SFXN4: variants seen among roughly 807,000 people sequenced by gnomAD.
The protein encoded by SFXN4 is sideroflexin-4.
SFXN4 carries 48 observed loss-of-function variants against 54.6 expected under a neutral mutation model. The observed-to-expected ratio is 0.88, with a 90% CI of 0.70 to 1.12. The LOEUF (loss-of-function observed/expected upper bound fraction) is 1.12. SFXN4 is among the 50% of genes most tolerant of loss of function. SFXN4 has a pLI of 0.00. For synonymous variants in SFXN4, 130 were observed against 145.5 expected (o/e 0.89, Z 0.77); for missense variants, 383 against 409.2 (o/e 0.94, Z 0.55).
chr10:119,149,408 C>T (rs1182865211), intron 11 of SFXN4, among the ~76,000 whole-genome samples: 3 of 152,114 alleles, frequency 2.0e-5, no homozygotes, highest in Non-Finnish European at 4.4e-5. Flanking sequence ...CAGGGAATGC[C>T]TTTCCCCCCC....
In SFXN4 at chr10:119,157,931, C is replaced by T. The variant is rs1162334583; in HGVS notation, c.415-4G>A. 1 of 1,614,154 alleles carries T rather than the reference C, an allele frequency of 6.2e-7. No homozygotes were observed. The highest frequency in any genetic ancestry group is 1.3e-5 in the African/African-American group (1 of 75,042). On this transcript the variant is annotated splice_polypyrimidine_tract_variant and splice_region_variant and intron_variant, in intron 7 of 13. Coordinates refer to ENST00000355697, the MANE Select transcript of SFXN4 (RefSeq NM_213649.2). ...CCATGTAGGCACAGAGGAAAACCTGCCGAGAGGGGCAAATGGATCGCATTT... is the reference window on the plus strand; with the variant it reads ...CCATGTAGGCACAGAGGAAAACCTGTCGAGAGGGGCAAATGGATCGCATTT...
intron 3 of SFXN4, 129 bp downstream of exon 3, chr10:119,162,211 C>G: frequency 1.4e-6 from 1 of 724,620 alleles, no homozygotes; most frequent in Middle Eastern, 2.9e-4. Context: ...AACAGTGGCT[C>G]CCAAGGGAAG....
At chr10:119,150,717 C>T (rs758918165) in intron 11 of SFXN4, among the ~76,000 whole-genome samples, 6 of 152,102 alleles carry the variant, frequency 3.9e-5, no homozygotes, top group Admixed American at 1.3e-4. Flanking sequence ...AATGTGCTCT[C>T]ACTCTCCTCT....
intron 12 of SFXN4, among the ~76,000 whole-genome samples, chr10:119,147,157 C>T (rs1417444967): frequency 5.3e-5 from 8 of 152,180 alleles, no homozygotes; most frequent in Non-Finnish European, 1.2e-4. Context: ...TCGACACCCA[C>T]GAGAATGACA....
chr10:119,161,975 C>G (rs1453897694), intron 3 of SFXN4, among the ~76,000 whole-genome samples: 1 of 152,214 alleles, frequency 6.6e-6, no homozygotes, highest in Non-Finnish European at 1.5e-5. Flanking sequence ...ACGCTGCCTG[C>G]AGTGGAGAAT....
intron 13 of SFXN4, among the ~76,000 whole-genome samples, chr10:119,145,300 T>A (rs1036493795): frequency 0.01 from 71 of 6,798 alleles, 1 homozygote; most frequent in African/African-American, 0.012. Flanking sequence ...GTAAATATAT[T>A]TTTTCTTATG....
chr10:119,143,774 A>G (rs1264093007), intron 13 of SFXN4, among the ~76,000 whole-genome samples: 1 of 152,048 alleles, frequency 6.6e-6, no homozygotes, highest in East Asian at 1.9e-4. Flanking sequence ...ACAGCACCCG[A>G]CCTAATTTTT....
chr10:119,156,838 G>T, intron 9 of SFXN4, 82 bp from the exon 10 acceptor site: 1 of 1,009,274 alleles, frequency 9.9e-7, no homozygotes, highest in Non-Finnish European at 1.5e-6. Context: ...AGGTCGCCCT[G>T]ACCTAGTTCC....
At chr10:119,161,567 G>A (rs1466001685) in intron 3 of SFXN4, among the ~76,000 whole-genome samples, 1 of 151,800 alleles carries the variant, frequency 6.6e-6, no homozygotes, top group Non-Finnish European at 1.5e-5. Context: ...CACATTGACA[G>A]AACAAATCAA....
chr10:119,145,599 T>G (rs1218827740), intron 13 of SFXN4, among the ~76,000 whole-genome samples: 1 of 152,124 alleles, frequency 6.6e-6, no homozygotes, highest in African/African-American at 2.4e-5. Flanking sequence ...CCACCGCGCC[T>G]GGCCTGATTT....
At chr10:119,153,764 G>C (rs1225925450) in intron 11 of SFXN4, among the ~76,000 whole-genome samples, 2 of 152,204 alleles carry the variant, frequency 1.3e-5, no homozygotes, top group Non-Finnish European at 2.9e-5. Flanking sequence ...GTCTGTGGCA[G>C]TCAGCCTCAC....
At chr10:119,164,531 G>C (rs953415575) in intron 1 of SFXN4, among the ~76,000 whole-genome samples, 1 of 152,054 alleles carries the variant, frequency 6.6e-6, no homozygotes, top group African/African-American at 2.4e-5. Context: ...TCTCACATAC[G>C]ACCTCGAAGC....
At position 119,162,270 on chromosome 10, in the gene SFXN4, A is replaced by G. The variant is rs1847582231; in HGVS notation, c.252+70T>C. The G allele has an allele frequency of 4.0e-6, 5 of 1,255,012 alleles. No individual in the cohort carries two copies. The South Asian group carries it at 6.3e-5, about 16-fold the overall frequency. The allele number at this position is 1,255,012 out of a possible 1,614,324, so 77.7% of individuals were successfully genotyped here. On this transcript the variant is annotated intron_variant, in intron 3 of 13. Coordinates refer to ENST00000355697, the MANE Select transcript of SFXN4 (RefSeq NM_213649.2). ...AGACAGAGATTAATGGCCAAATTCC[A>G]CCTGACTTCAGACCATGCAGGCAGA...
At chr10:119,162,762 T>C (rs1368358083) in intron 2 of SFXN4, among the ~76,000 whole-genome samples, 1 of 145,894 alleles carries the variant, frequency 6.9e-6, no homozygotes, top group African/African-American at 2.4e-5. Context: ...GTCTTATCAG[T>C]TCAGTCTTAT....
chr10:119,158,519 G>A (rs1447407395), intron 6 of SFXN4, among the ~76,000 whole-genome samples: 1 of 150,640 alleles, frequency 6.6e-6, no homozygotes, highest in Non-Finnish European at 1.5e-5. Flanking sequence ...GGGAGGCTGA[G>A]GCAGAAGAAT....
Position 119,149,416 on chromosome 10 carries a change from C to G in SFXN4, c.733-1556G>C, listed in dbSNP as rs372147145. Reference sequence around the variant, plus strand: ...CCCTCTGCAGGGAATGCCTTTCCCCCCCACAAAAGAGAGGAAGCCGAGGAG... The same window carrying G: ...CCCTCTGCAGGGAATGCCTTTCCCCGCCACAAAAGAGAGGAAGCCGAGGAG... On this transcript the variant is annotated intron_variant, in intron 11 of 13. Coordinates refer to ENST00000355697, the MANE Select transcript of SFXN4 (RefSeq NM_213649.2). 1.4e-3 allele frequency among the ~76,000 whole-genome samples: 212 copies of G among 152,250 alleles called. 2 individuals carry two copies. The highest frequency in any genetic ancestry group is 1.6e-3 in the Non-Finnish European group (106 of 68,014).
At position 119,150,393 on chromosome 10, in the gene SFXN4, T is replaced by A. The variant is rs375032223; in HGVS notation, c.733-2533A>T. Among the ~76,000 whole-genome samples, 14 of 152,184 alleles carry A rather than the reference T, an allele frequency of 9.2e-5. No individual in the cohort carries two copies. In the East Asian group the frequency reaches 1.9e-3, roughly 21 times the overall value. On this transcript the variant is annotated intron_variant, in intron 11 of 13. Coordinates refer to ENST00000355697, the MANE Select transcript of SFXN4 (RefSeq NM_213649.2). ...GGGAACAACTTGCTCATTGGATATT[T>A]GCTCTAAGCTGGGTGCAGTGCCTCA... is the stretch of plus-strand genomic sequence containing the variant.
At position 119,141,189 on chromosome 10, in the gene SFXN4, G is replaced by T; in HGVS notation, c.*53C>A. On this transcript the variant is annotated 3_prime_UTR_variant, in exon 14 of 14. Transcript: ENST00000355697. ...GGCAAAGTTCTCTAAACCGAACCTG[G>T]AGAGGGGAAGGTTTTCAAGCAGGAA... The T allele has an allele frequency of 1.5e-6, 2 of 1,373,342 alleles. No individual in the cohort carries two copies. The highest frequency in any genetic ancestry group is 2.1e-6 in the Non-Finnish European group (2 of 969,258). The allele number at this position is 1,373,342 out of a possible 1,614,324, so 85.1% of individuals were successfully genotyped here.
rs1171923573 is a variant in SFXN4 at position 119,165,171 on chromosome 10, C to CG, written c.111+365dup. On this transcript the variant is annotated intron_variant, in intron 1 of 13. Transcript: ENST00000355697. ...GCCCAAGGGTGGCTTCCCAAAGCCT[C>CG]GGGGGTCTCACCGAAAGTGGCTGAG... 6 of 1,033,834 alleles carry CG rather than the reference C, an allele frequency of 5.8e-6. No homozygotes were observed. In the South Asian group the frequency reaches 1.4e-4, roughly 24 times the overall value. 64.0% of individuals were successfully genotyped at this position (1,033,834 alleles called of 1,614,324 possible). A position where few individuals can be genotyped will look rare whatever the true frequency, so the allele number is the denominator to read the frequency against.
Sources: gnomAD v4.1 joint callset for allele counts (sites outside exome capture counted in the v4.1 genomes callset) on GRCh38, gnomAD v4.1.1 for gene constraint, MANE v1.5 for transcripts, NCBI Gene and HGNC (gene_info 2026-07-23, HGNC 2026-07-21) for gene names.